TTC28: variants seen among roughly 807,000 people sequenced by gnomAD.
TTC28 encodes the protein tetratricopeptide repeat protein 28.
TTC28 carries 61 observed loss-of-function variants against 198.0 expected under a neutral mutation model. The ratio of observed to expected loss-of-function variants is 0.31; its 90% CI spans 0.25 to 0.38. The LOEUF (loss-of-function observed/expected upper bound fraction) is 0.38, where lower values mean the gene tolerates loss of function less well. TTC28 is among the 10% of genes least tolerant of loss of function. The pLI, the probability that TTC28 is intolerant of heterozygous loss-of-function variation, is 1.00. For synonymous variants in TTC28, 1,171 were observed against 1,297.8 expected (o/e 0.90, Z 2.10); for missense variants, 2,678 against 3,164.0 (o/e 0.85, Z 3.69).
intron 5 of TTC28, among the ~76,000 whole-genome samples, chr22:28,179,072 A>G (rs1303844789): frequency 6.6e-6 from 1 of 152,208 alleles, no homozygotes; most frequent in Non-Finnish European, 1.5e-5. Context: ...TGTAACAAGA[A>G]CAACAAAATA....
intron 5 of TTC28, among the ~76,000 whole-genome samples, chr22:28,188,667 A>T (rs1924435638): frequency 6.6e-6 from 1 of 152,170 alleles, no homozygotes; most frequent in South Asian, 2.1e-4. Context: ...TGCATCCTGA[A>T]TGGTGAGATT....
rs1241356282 is a variant in TTC28 at position 27,993,339 on chromosome 22, G to A, written c.5424C>T (p.Ser1808=). The change falls in exon 18 of 23, where the codon TCC becomes TCT. Residue 1808 remains serine, a synonymous_variant. Transcript: ENST00000397906. The part of the protein sequence containing the change: ...GLPAAVFFPT[S]DPGDRLQQCS... ...ACTGCTGGAGCCGGTCGCCCGGGTC[G>A]GAGGTTGGGAAGAAGACAGCCGCTG... 1.1e-5 allele frequency: 17 copies of A among 1,550,060 alleles called. No homozygotes were observed. The highest frequency in any genetic ancestry group is 1.7e-4 in the Middle Eastern group (1 of 6,002).
chr22:28,634,370 C>T (rs916358495), intron 1 of TTC28, among the ~76,000 whole-genome samples: 14 of 151,878 alleles, frequency 9.2e-5, no homozygotes, highest in African/African-American at 2.2e-4. Context: ...ATTAGCTGGC[C>T]GTGGTGGCAC....
chr22:28,296,403 TC>T, intron 4 of TTC28, 75 bp from the exon 5 acceptor site: 1 of 1,231,392 alleles, frequency 8.1e-7, no homozygotes, highest in African/African-American at 1.5e-5. Context: ...ATAATGGTCA[TC>T]TTAATTTAAG....
chr22:28,053,956 T>G (rs1940179933), intron 12 of TTC28, among the ~76,000 whole-genome samples: 1 of 152,180 alleles, frequency 6.6e-6, no homozygotes, highest in African/African-American at 2.4e-5. Flanking sequence ...TTATTTTAAA[T>G]ATAAATGCAT....
intron 2 of TTC28, among the ~76,000 whole-genome samples, chr22:28,623,000 T>C (rs1332381806): frequency 2.0e-5 from 3 of 152,096 alleles, no homozygotes; most frequent in Non-Finnish European, 4.4e-5. Context: ...TTTTGTATTT[T>C]TTAGTAGAGA....
chr22:28,383,597 T>C (rs2046529577), intron 2 of TTC28, among the ~76,000 whole-genome samples: 1 of 152,262 alleles, frequency 6.6e-6, no homozygotes, highest in Non-Finnish European at 1.5e-5. Context: ...ATCTACCAGT[T>C]GCTCAGGTCA....
chr22:28,384,833 T>C (rs974881749), intron 2 of TTC28, among the ~76,000 whole-genome samples: 3 of 152,086 alleles, frequency 2.0e-5, no homozygotes, highest in African/African-American at 4.8e-5. Flanking sequence ...AGTAGAAAGA[T>C]GACAGACTTT....
intron 1 of TTC28, among the ~76,000 whole-genome samples, chr22:28,636,637 G>A (rs1160376572): frequency 6.6e-6 from 1 of 152,100 alleles, no homozygotes; most frequent in Non-Finnish European, 1.5e-5. Flanking sequence ...ATGTTGAGCA[G>A]CTTTTCACAC....
chr22:28,601,669 G>A (rs2050640232), intron 2 of TTC28, among the ~76,000 whole-genome samples: 1 of 152,148 alleles, frequency 6.6e-6, no homozygotes, highest in South Asian at 2.1e-4. Flanking sequence ...AAGATACTGA[G>A]AGATGACTAT....
chr22:28,132,630 C>T (rs570363102), intron 6 of TTC28, among the ~76,000 whole-genome samples: 63 of 152,132 alleles, frequency 4.1e-4, no homozygotes, highest in Non-Finnish European at 7.2e-4. Context: ...TTTTCTAACA[C>T]GACTCTGACA....
At chr22:28,544,348 T>A (rs2049490044) in intron 2 of TTC28, among the ~76,000 whole-genome samples, 1 of 152,174 alleles carries the variant, frequency 6.6e-6, no homozygotes, top group African/African-American at 2.4e-5. Flanking sequence ...AACCATGTAA[T>A]CAATTAAACA....
At chr22:28,267,055 C>T (rs1427701025) in intron 5 of TTC28, among the ~76,000 whole-genome samples, 1 of 152,126 alleles carries the variant, frequency 6.6e-6, no homozygotes, top group Non-Finnish European at 1.5e-5. Context: ...AATTAGAAGG[C>T]ATCAACAATA....
intron 12 of TTC28, among the ~76,000 whole-genome samples, chr22:28,057,178 T>C (rs71325273): frequency 0.041 from 6,302 of 152,298 alleles, 195 homozygotes; most frequent in South Asian, 0.056. Flanking sequence ...TGATGATCCA[T>C]AGAGTAGGTA....
intron 2 of TTC28, among the ~76,000 whole-genome samples, chr22:28,530,358 G>GA (rs1177712648): frequency 6.6e-6 from 1 of 152,102 alleles, no homozygotes; most frequent in Non-Finnish European, 1.5e-5. Flanking sequence ...CAAGTTTAGA[G>GA]AAAAAAGAGT....
chr22:28,165,481 G>C (rs135657), intron 5 of TTC28, among the ~76,000 whole-genome samples: 136,144 of 149,826 alleles, frequency 0.91, 62,090 homozygotes, highest in African/African-American at 0.95. Context: ...GCTGATCTCA[G>C]GACAGAAACT....
chr22:28,147,075 C>A (rs945756414), intron 6 of TTC28, among the ~76,000 whole-genome samples: 2 of 152,198 alleles, frequency 1.3e-5, no homozygotes, highest in Non-Finnish European at 2.9e-5. Flanking sequence ...ATTTGAAAGT[C>A]AAGTTGAGAA....
At chr22:28,154,531 T>TAA (rs1489194914) in intron 6 of TTC28, among the ~76,000 whole-genome samples, 1 of 152,052 alleles carries the variant, frequency 6.6e-6, no homozygotes, top group African/African-American at 2.4e-5. Flanking sequence ...TTTCTTTTTA[T>TAA]ATTTTTAGTA....
intron 5 of TTC28, among the ~76,000 whole-genome samples, chr22:28,264,859 G>A (rs1931576290): frequency 6.6e-6 from 1 of 152,130 alleles, no homozygotes; most frequent in African/African-American, 2.4e-5. Flanking sequence ...CAAGATCCAG[G>A]TTGAAGATAT....
Sources: gnomAD v4.1 joint callset for allele counts (sites outside exome capture counted in the v4.1 genomes callset) on GRCh38, gnomAD v4.1.1 for gene constraint, MANE v1.5 for transcripts, NCBI Gene and HGNC (gene_info 2026-07-23, HGNC 2026-07-21) for gene names.